Variants in NCBP1 observed in about 807,000 individuals in gnomAD.
NCBP1 encodes nuclear cap-binding protein subunit 1.
Under a neutral mutation model 111.7 loss-of-function variants are expected in NCBP1, and 16 were observed. The observed-to-expected ratio is 0.14, with a 90% confidence interval of 0.10 to 0.22. The LOEUF (loss-of-function observed/expected upper bound fraction) is 0.22, where lower values mean the gene tolerates loss of function less well. NCBP1 is among the 10% of genes least tolerant of loss of function. The pLI, the probability that NCBP1 is intolerant of heterozygous loss-of-function variation, is 1.00. For synonymous variants in NCBP1, 304 were observed against 314.3 expected, an observed-to-expected ratio of 0.97 and a Z score of 0.35; for missense variants, 607 against 957.5, an observed-to-expected ratio of 0.63 and a Z score of 4.83.
chr9:97,641,660 A>T lies in NCBP1; in HGVS notation c.222A>T (p.Thr74=), dbSNP rs1237382374. ...YKSKILRLLC[T]VARLLPEKLT... The stretch of plus-strand genomic sequence containing the variant: ...GCAAGATCTTAAGGCTTCTTTGTAC[A>T]GTGTATGTATGCAAAAGATTTATGA... The change falls in exon 3 of 23, where the codon ACA becomes ACT. Residue 74 remains threonine, a splice_region_variant and synonymous_variant. Coordinates refer to ENST00000375147, the MANE Select transcript of NCBP1 (RefSeq NM_002486.5). 6.2e-7 allele frequency: 1 copy of T among 1,600,790 alleles called. No individual in the cohort carries two copies. The highest frequency in any genetic ancestry group is 2.2e-5 in the East Asian group (1 of 44,590).
chr9:97,669,749 C>A, intron 22 of NCBP1, 43 bp downstream of exon 22: 2 of 1,343,470 alleles, frequency 1.5e-6, no homozygotes, highest in Non-Finnish European at 2.1e-6. Context: ...TATTCTCAGC[C>A]ACAAAGATTT....
chr9:97,669,017 A>C, intron 21 of NCBP1, 43 bp downstream of exon 21: 2 of 1,525,666 alleles, frequency 1.3e-6, no homozygotes, highest in Non-Finnish European at 1.8e-6. Flanking sequence ...GAAACAATAC[A>C]TTTCTTTAGT....
intron 16 of NCBP1, 92 bp downstream of exon 16, chr9:97,661,160 A>G (rs928303823): frequency 1.3e-6 from 2 of 1,503,338 alleles, no homozygotes; most frequent in East Asian, 2.3e-5. Context: ...TCTTAAAGCA[A>G]TATATCTATA....
intron 18 of NCBP1, 133 bp downstream of exon 18, chr9:97,663,180 C>A (rs990830488): frequency 1.6e-5 from 11 of 668,044 alleles, no homozygotes; most frequent in Non-Finnish European, 2.6e-5. Flanking sequence ...AGATCTAATT[C>A]TTTCAGTGCT....
Position 97,641,546 on chromosome 9 carries a change from G to A in NCBP1, c.124-16G>A, listed in dbSNP as rs1002392349. The stretch of plus-strand genomic sequence containing the variant: ...GCTGAGTACTTGACAGATATTTAAT[G>A]TGATGTCCTCTACAGAGTGCCTGCT... On this transcript the variant is annotated splice_polypyrimidine_tract_variant and intron_variant, in intron 2 of 22. Transcript: ENST00000375147. 6.4e-7 allele frequency: 1 copy of A among 1,563,402 alleles called. No individual in the cohort carries two copies. The highest frequency in any genetic ancestry group is 8.7e-7 in the Non-Finnish European group (1 of 1,150,820).
chr9:97,658,590 A>C, intron 14 of NCBP1, 50 bp from the exon 15 acceptor site: 2 of 1,408,196 alleles, frequency 1.4e-6, no homozygotes, highest in Non-Finnish European at 2.0e-6. Flanking sequence ...GTGTTACCGA[A>C]GAATGGGACT....
intron 1 of NCBP1, among the ~76,000 whole-genome samples, chr9:97,637,653 A>T (rs1827084843): frequency 6.6e-6 from 1 of 152,202 alleles, no homozygotes; most frequent in South Asian, 2.1e-4. Flanking sequence ...TGCGGGCTCA[A>T]GGCATGTTAT....
chr9:97,643,437 T>G (rs1827253292), intron 4 of NCBP1, 77 bp downstream of exon 4: 3 of 1,362,226 alleles, frequency 2.2e-6, no homozygotes, highest in Admixed American at 5.3e-5. Flanking sequence ...CCAAATAATT[T>G]AAAATGCTCT....
rs192628877 is a variant in NCBP1 at position 97,636,918 on chromosome 9, G to A, written c.34+3003G>A. Reference sequence around the variant, plus strand: ...GATTAGAGAAGGCTTCGGTGTGAATGGCATTTGAACAAAGACTTGCCGGAG... The same window carrying A: ...GATTAGAGAAGGCTTCGGTGTGAATAGCATTTGAACAAAGACTTGCCGGAG... On this transcript the variant is annotated intron_variant, in intron 1 of 22. Transcript: ENST00000375147. 5.1e-3 allele frequency among the ~76,000 whole-genome samples: 773 copies of A among 152,118 alleles called. 6 individuals carry two copies. The highest frequency in any genetic ancestry group is 0.018 in the African/African-American group (740 of 41,520).
chr9:97,642,253 T>A (rs1268513106), intron 3 of NCBP1, among the ~76,000 whole-genome samples: 5 of 152,108 alleles, frequency 3.3e-5, no homozygotes, highest in Non-Finnish European at 7.4e-5. Context: ...TAAAATGGAG[T>A]AGTATTTACA....
At chr9:97,657,930 T>A (rs866351510) in intron 14 of NCBP1, among the ~76,000 whole-genome samples, 1,987 of 123,174 alleles carry the variant, frequency 0.016, 22 homozygotes, top group African/African-American at 0.056. Flanking sequence ...ATATATATTT[T>A]TTTTTTTTTT....
At chr9:97,658,783 C>T in intron 15 of NCBP1, 40 bp downstream of exon 15, 1 of 1,418,400 alleles carries the variant, frequency 7.1e-7, no homozygotes, top group Non-Finnish European at 1.0e-6. Context: ...TAAAAGGTAC[C>T]AGTTCAAGTA....
chr9:97,661,940 T>C (rs1827851259), intron 16 of NCBP1, 102 bp from the exon 17 acceptor site: 5 of 646,624 alleles, frequency 7.7e-6, no homozygotes, highest in Middle Eastern at 3.5e-4. Context: ...TACACAAATA[T>C]CTGTGTATAG....
At chr9:97,646,744 G>C (rs935291755) in intron 6 of NCBP1, among the ~76,000 whole-genome samples, 1 of 151,248 alleles carries the variant, frequency 6.6e-6, no homozygotes, top group African/African-American at 2.4e-5. Context: ...GGCTGAGGCA[G>C]GAGAATTGCT....
intron 9 of NCBP1, among the ~76,000 whole-genome samples, chr9:97,650,811 T>C (rs1457506299): frequency 2.0e-5 from 3 of 152,200 alleles, no homozygotes; most frequent in African/African-American, 7.2e-5. Flanking sequence ...GTAATAAGCG[T>C]ATGATGCCAG....
At chr9:97,655,634 AT>A in intron 12 of NCBP1, 67 bp from the exon 13 acceptor site, 1 of 1,323,242 alleles carries the variant, frequency 7.6e-7, no homozygotes, top group East Asian at 2.3e-5. Context: ...GAAGGCTTAT[AT>A]AAGTTTCTGT....
chr9:97,671,458 T>C lies in NCBP1; in HGVS notation c.*259T>C. ...CAAATTCTCTGTGATCAGTTTGTTA[T>C]TTTTTTTCTCCTTAAGGCACAAAAT... On this transcript the variant is annotated 3_prime_UTR_variant, in exon 23 of 23. Coordinates refer to ENST00000375147, the MANE Select transcript of NCBP1 (RefSeq NM_002486.5). 1 of 352,808 alleles carries C rather than the reference T, an allele frequency of 2.8e-6. No individual in the cohort carries two copies. Among genetic ancestry groups the C allele is most frequent in the South Asian group, 3.8e-5 (1 of 26,552 alleles). The allele number at this position is 352,808 out of a possible 1,614,324, so 21.9% of individuals were successfully genotyped here.
chr9:97,663,042 C>A lies in NCBP1; in HGVS notation c.1792C>A (p.Pro598Thr). 2 of 1,605,004 alleles carry A rather than the reference C, an allele frequency of 1.2e-6. No individual in the cohort carries two copies. Among genetic ancestry groups the A allele is most frequent in the Non-Finnish European group, 1.7e-6 (2 of 1,175,072 alleles). The change falls in exon 18 of 23, where the codon CCA (proline) becomes ACA (threonine). Residue 598 changes from proline (P) to threonine (T), a missense_variant. Physicochemically the swap from Pro to Thr is conservative, Grantham distance 38. Transcript: ENST00000375147. The part of the protein sequence containing the change: ...RVMFEVWRNH[P>T]QMIAVLVDKM... ...TATGTTTGAGGTCTGGAGGAACCATCCACAGGTAAAAATTATTTAATTAGA... is the reference window on the plus strand; with the variant it reads ...TATGTTTGAGGTCTGGAGGAACCATACACAGGTAAAAATTATTTAATTAGA...
At chr9:97,670,518 A>T (rs1828157347) in intron 22 of NCBP1, among the ~76,000 whole-genome samples, 2 of 151,552 alleles carry the variant, frequency 1.3e-5, no homozygotes, top group African/African-American at 2.5e-5. Context: ...TAGAAGAATG[A>T]TTAATGTAGA....
Sources: gnomAD v4.1 joint callset for allele counts (sites outside exome capture counted in the v4.1 genomes callset) on GRCh38, gnomAD v4.1.1 for gene constraint, MANE v1.5 for transcripts, NCBI Gene and HGNC (gene_info 2026-07-23, HGNC 2026-07-21) for gene names.